Variants in KCNQ1 observed in about 807,000 individuals in gnomAD.
KCNQ1 encodes potassium voltage-gated channel subfamily KQT member 1.
In KCNQ1, 49 loss-of-function variants were observed where a neutral mutation model predicts 72.4. The ratio of observed to expected loss-of-function variants is 0.68; its 90% CI spans 0.54 to 0.86. KCNQ1 has a LOEUF of 0.86. Ranked by LOEUF, KCNQ1 falls within the 40% of genes least tolerant of loss-of-function variation. The pLI, the probability that KCNQ1 is intolerant of heterozygous loss-of-function variation, is 0.00. For synonymous variants in KCNQ1, 450 were observed against 412.6 expected (o/e 1.09, Z -1.10); for missense variants, 790 against 945.1 (o/e 0.84, Z 2.15).
chr11:2,604,834 C>G (rs547681984), intron 10 of KCNQ1, among the ~76,000 whole-genome samples: 1 of 152,306 alleles, frequency 6.6e-6, no homozygotes, highest in Admixed American at 6.5e-5. Flanking sequence ...TGAGCCACAG[C>G]ACCTGGCCGA....
chr11:2,687,340 C>G lies in KCNQ1; in HGVS notation c.1514+25259C>G, dbSNP rs1274453921. On this transcript the variant is annotated intron_variant, in intron 11 of 15. Transcript: ENST00000155840. The surrounding 1 kb of genome is among the most constrained non-coding windows in gnomAD (Gnocchi z 5.0). ...CTGGCTGAGGGCTGTGAGCCAGAGG[C>G]TGAGGTAGCCAGGTCTGCCTTGGGC... The G allele has an allele frequency of 5.0e-6, 2 of 398,580 alleles. No individual in the cohort carries two copies. The highest frequency in any genetic ancestry group is 8.8e-5 in the Admixed American group (2 of 22,714). The allele number at this position is 398,580 out of a possible 1,614,324, so 24.7% of individuals were successfully genotyped here.
intron 11 of KCNQ1, among the ~76,000 whole-genome samples, chr11:2,717,342 T>G (rs767284058): frequency 1.3e-5 from 2 of 152,172 alleles, no homozygotes; most frequent in Non-Finnish European, 2.9e-5. Context: ...CCTCCCAGGC[T>G]TCTGTGATCG....
intron 10 of KCNQ1, chr11:2,616,852 G>A (rs1564834706): frequency 5.0e-6 from 2 of 398,136 alleles, no homozygotes; most frequent in Non-Finnish European, 8.9e-6. Flanking sequence ...AGAAGAATGT[G>A]TAGTTGGGTG....
rs544924451 is a variant in KCNQ1 at position 2,813,390 on chromosome 11, A to T, written c.1795-34377A>T. 1.8e-3 allele frequency among the ~76,000 whole-genome samples: 224 copies of T among 126,990 alleles called. No individual in the cohort carries two copies. Among genetic ancestry groups the T allele is most frequent in the African/African-American group, 6.8e-3 (218 of 31,992 alleles). The allele number at this position is 126,990 out of a possible 152,430, so 83.3% of individuals were successfully genotyped here. On this transcript the variant is annotated intron_variant, in intron 15 of 15. Coordinates refer to ENST00000155840, the MANE Select transcript of KCNQ1 (RefSeq NM_000218.3). The surrounding 1 kb of genome is among the most constrained non-coding windows in gnomAD (Gnocchi z 4.4). ...CACTCTCACAGGGGTGGAGACCTGCACCTCTTTTTCACCCCCAAACCCGCC... is the reference window on the plus strand; with the variant it reads ...CACTCTCACAGGGGTGGAGACCTGCTCCTCTTTTTCACCCCCAAACCCGCC...
chr11:2,826,486 C>T lies in KCNQ1; in HGVS notation c.1795-21281C>T, dbSNP rs912406701. On this transcript the variant is annotated intron_variant, in intron 15 of 15. Coordinates refer to ENST00000155840, the MANE Select transcript of KCNQ1 (RefSeq NM_000218.3). This position sits in a 1 kb window ranked among gnomAD's most constrained non-coding sequence, Gnocchi z 4.2. ...GTCACGGAAACTCAGGCAGACCCGG[C>T]GTTGGGTGCGCCAGGCCGGTGTGGG... Among the ~76,000 whole-genome samples the T allele has an allele frequency of 6.6e-6, 1 of 152,226 alleles. No individual in the cohort carries two copies. The highest frequency in any genetic ancestry group is 1.5e-5 in the Non-Finnish European group (1 of 68,030).
At chr11:2,732,771 C>T (rs997774912) in intron 11 of KCNQ1, among the ~76,000 whole-genome samples, 4 of 152,248 alleles carry the variant, frequency 2.6e-5, no homozygotes, top group Admixed American at 2.0e-4. Context: ...TTATTGTGGC[C>T]GCCACCGAGG....
intron 11 of KCNQ1, among the ~76,000 whole-genome samples, chr11:2,728,793 C>T (rs1845806278): frequency 6.6e-6 from 1 of 152,210 alleles, no homozygotes; most frequent in Non-Finnish European, 1.5e-5. Context: ...CTGGTCCTGG[C>T]AGCCCTTGGC....
intron 1 of KCNQ1, among the ~76,000 whole-genome samples, chr11:2,476,417 G>A (rs1454139925): frequency 6.6e-6 from 1 of 152,108 alleles, no homozygotes; most frequent in Non-Finnish European, 1.5e-5. Context: ...TCTGTACACC[G>A]AGGCAAATTT....
At position 2,528,019 on chromosome 11, in the gene KCNQ1, G is replaced by A. The variant is rs762814879; in HGVS notation, c.477+1G>A. On this transcript the variant is annotated splice_donor_variant, in intron 2 of 15. Coordinates refer to ENST00000155840, the MANE Select transcript of KCNQ1 (RefSeq NM_000218.3). LOFTEE classifies it high-confidence loss of function. ...GGCCACGGGGACTCTCTTCTGGATG[G>A]TACGTAGCATCTGAGGGCATGGCTG... 17 of 1,610,662 alleles carry A rather than the reference G, an allele frequency of 1.1e-5. No individual in the cohort carries two copies. Among genetic ancestry groups the A allele is most frequent in the Non-Finnish European group, 1.4e-5 (16 of 1,177,494 alleles).
intron 11 of KCNQ1, chr11:2,680,006 GC>G: frequency 2.5e-6 from 1 of 396,642 alleles, no homozygotes; most frequent in South Asian, 1.4e-4. Flanking sequence ...CAATTCTCCT[GC>G]CTTAGCCTCC....
At chr11:2,534,414 T>C (rs918736502) in intron 2 of KCNQ1, among the ~76,000 whole-genome samples, 3 of 152,224 alleles carry the variant, frequency 2.0e-5, no homozygotes, top group East Asian at 1.9e-4. Context: ...TTTGCCCAGG[T>C]TGGGGAACCA....
At chr11:2,751,699 T>A (rs1846229323) in intron 11 of KCNQ1, among the ~76,000 whole-genome samples, 2 of 152,216 alleles carry the variant, frequency 1.3e-5, no homozygotes, top group South Asian at 4.1e-4. Flanking sequence ...CCATGGTTTT[T>A]AAATTAAAGC....
chr11:2,676,304 A>T lies in KCNQ1; in HGVS notation c.1514+14223A>T, dbSNP rs902540209. The T allele has an allele frequency of 7.5e-6, 3 of 398,552 alleles. No homozygotes were observed. Among genetic ancestry groups the T allele is most frequent in the African/African-American group, 2.1e-5 (1 of 48,644 alleles). The allele number at this position is 398,552 out of a possible 1,614,324, so 24.7% of individuals were successfully genotyped here. A position where few individuals can be genotyped will look rare whatever the true frequency, so the allele number is the denominator to read the frequency against. On this transcript the variant is annotated intron_variant, in intron 11 of 15. Transcript: ENST00000155840. The surrounding 1 kb of genome is among the most constrained non-coding windows in gnomAD (Gnocchi z 4.2). Reference sequence around the variant, plus strand: ...TACATGTATACAGACACACGTGTGAACAGGTGATGGCTCTGAACAGTGTAG... The same window carrying T: ...TACATGTATACAGACACACGTGTGATCAGGTGATGGCTCTGAACAGTGTAG...
intron 10 of KCNQ1, chr11:2,638,626 C>A (rs1168532945): frequency 1.3e-5 from 2 of 152,190 alleles, no homozygotes; most frequent in Admixed American, 6.5e-5. Context: ...TTCATTTCAA[C>A]TTTGGTGAAT....
chr11:2,480,751 T>C (rs936371433), intron 1 of KCNQ1, among the ~76,000 whole-genome samples: 1 of 152,204 alleles, frequency 6.6e-6, no homozygotes, highest in Non-Finnish European at 1.5e-5. Context: ...AGACCTGTAG[T>C]GTGCATGTCA....
In KCNQ1 at chr11:2,688,191, C is replaced by T. The variant is rs987052818; in HGVS notation, c.1514+26110C>T. On this transcript the variant is annotated intron_variant, in intron 11 of 15. Transcript: ENST00000155840. ...TGCAGACAGCTCCCAAGCAAGGGGG[C>T]AGGAGGGGCTGCACTGAGCCCACCA... 1.3e-5 allele frequency: 5 copies of T among 398,716 alleles called. No homozygotes were observed. In the Admixed American group the frequency reaches 2.2e-4, roughly 18 times the overall value. The allele number at this position is 398,716 out of a possible 1,614,324, so 24.7% of individuals were successfully genotyped here. A position where few individuals can be genotyped will look rare whatever the true frequency, so the allele number is the denominator to read the frequency against.
rs978204863 is a variant in KCNQ1, at chr11:2,624,645, G to A, written c.1393+35791G>A. On this transcript the variant is annotated intron_variant, in intron 10 of 15. Coordinates refer to ENST00000155840, the MANE Select transcript of KCNQ1 (RefSeq NM_000218.3). The surrounding 1 kb of genome is among the most constrained non-coding windows in gnomAD (Gnocchi z 4.9). ...ACAATTCAGTGAATGTATTAGATAC[G>A]TTCACAATGCTGTGCAATCATCACT... 25 of 398,272 alleles carry A rather than the reference G, an allele frequency of 6.3e-5. 1 individual carries two copies. Among genetic ancestry groups the A allele is most frequent in the Non-Finnish European group, 8.0e-5 (18 of 226,012 alleles). The allele number at this position is 398,272 out of a possible 1,614,324, so 24.7% of individuals were successfully genotyped here.
At chr11:2,573,965 A>G (rs1006216530) in intron 6 of KCNQ1, among the ~76,000 whole-genome samples, 2 of 152,196 alleles carry the variant, frequency 1.3e-5, no homozygotes, top group Admixed American at 1.3e-4. Flanking sequence ...TGGCTGAGGC[A>G]TTTTTAGGGG....
rs7933215 is a variant in KCNQ1 at position 2,592,480 on chromosome 11, G to A, written c.1393+3626G>A. Among the ~76,000 whole-genome samples, 4,803 of 152,264 alleles carry A rather than the reference G, an allele frequency of 0.032. 263 individuals carry two copies. The highest frequency in any genetic ancestry group is 0.11 in the African/African-American group (4,486 of 41,542). On this transcript the variant is annotated intron_variant, in intron 10 of 15. Transcript: ENST00000155840. This position sits in a 1 kb window ranked among gnomAD's most constrained non-coding sequence, Gnocchi z 5.2. ...CTCATCCCACGCAGCAGGGCCCGCTGCTGCTCCCTCAACCTTCTGACCTGG... is the reference window on the plus strand; with the variant it reads ...CTCATCCCACGCAGCAGGGCCCGCTACTGCTCCCTCAACCTTCTGACCTGG...
Sources: gnomAD v4.1 joint callset for allele counts (sites outside exome capture counted in the v4.1 genomes callset) on GRCh38, gnomAD v4.1.1 for gene constraint, Gnocchi (gnomAD v3.1) non-coding constraint, MANE v1.5 for transcripts, NCBI Gene and HGNC (gene_info 2026-07-23, HGNC 2026-07-21) for gene names.